Variants in SRRM4 observed in about 807,000 individuals in gnomAD.
SRRM4 encodes serine/arginine repetitive matrix 4.
In SRRM4, 33 loss-of-function variants were observed where a neutral mutation model predicts 68.9. The ratio of observed to expected loss-of-function variants is 0.48; its 90% CI spans 0.36 to 0.64. SRRM4 has a LOEUF of 0.64. Among genes scored for constraint, SRRM4 ranks in the 30% least tolerant of loss-of-function variants. The probability of loss-of-function intolerance (pLI) is 0.00; values close to 1 mark genes in which losing one functional copy is unlikely to be tolerated. For synonymous variants in SRRM4, 318 were observed against 318.8 expected, an observed-to-expected ratio of 1.00 and a Z score of 0.03; for missense variants, 817 against 827.1, an observed-to-expected ratio of 0.99 and a Z score of 0.15.
chr12:119,158,718 C>T lies in SRRM4; in HGVS notation c.*1920C>T, dbSNP rs972608071. ...TCCCTGCCCAGGAACCCAGACTGGA[C>T]TTCAGTCTCCCTCCATGGAGACAAA... On this transcript the variant is annotated 3_prime_UTR_variant, in exon 13 of 13. Coordinates refer to ENST00000267260, the MANE Select transcript of SRRM4 (RefSeq NM_194286.4). The T allele has an allele frequency of 3.3e-5, 5 of 152,746 alleles. No homozygotes were observed. Among genetic ancestry groups the T allele is most frequent in the African/African-American group, 1.2e-4 (5 of 41,582 alleles). 9.5% of individuals were successfully genotyped at this position (152,746 alleles called of 1,614,324 possible).
intron 6 of SRRM4, 40 bp downstream of exon 6, chr12:119,122,160 G>A (rs1370513392): frequency 7.1e-7 from 1 of 1,408,954 alleles, no homozygotes; most frequent in Non-Finnish European, 1.0e-6. Context: ...TCAGTTTGAG[G>A]AGTTGGGGCA....
chr12:119,135,751 G>A lies in SRRM4; in HGVS notation c.771+4917G>A, dbSNP rs149700192. Among the ~76,000 whole-genome samples, 28 of 152,274 alleles carry A rather than the reference G, an allele frequency of 1.8e-4. No individual in the cohort carries two copies. In the East Asian group the frequency reaches 5.4e-3, roughly 29 times the overall value. The stretch of plus-strand genomic sequence containing the variant: ...GTCCACTTTATGATAAGGAAACCCA[G>A]CCAAGAAAAAATAAGTAAAAAGCAG... On this transcript the variant is annotated intron_variant, in intron 8 of 12. Coordinates refer to ENST00000267260, the MANE Select transcript of SRRM4 (RefSeq NM_194286.4).
intron 1 of SRRM4, chr12:119,001,429 G>A (rs1331764201): frequency 6.6e-6 from 1 of 152,186 alleles, no homozygotes; most frequent in African/African-American, 2.4e-5. Flanking sequence ...CCTCTCTCAA[G>A]GTAGGAATTG....
At chr12:119,055,185 A>G (rs1428647736) in intron 1 of SRRM4, among the ~76,000 whole-genome samples, 1 of 152,142 alleles carries the variant, frequency 6.6e-6, no homozygotes, top group African/African-American at 2.4e-5. Context: ...CATTGAGAAG[A>G]TTTATGGGCT....
chr12:118,987,330 A>G (rs1953288876), intron 1 of SRRM4, among the ~76,000 whole-genome samples: 1 of 152,108 alleles, frequency 6.6e-6, no homozygotes, highest in South Asian at 2.1e-4. Context: ...AACGAGATGC[A>G]GAGAGGGGGG....
chr12:119,118,808 T>C (rs1273209403), intron 4 of SRRM4, among the ~76,000 whole-genome samples: 1 of 152,160 alleles, frequency 6.6e-6, no homozygotes, highest in Non-Finnish European at 1.5e-5. Context: ...AGAAAGACAC[T>C]GACAGACAGT....
At chr12:119,122,223 G>T (rs1482324428) in intron 6 of SRRM4, 103 bp downstream of exon 6, 1 of 705,140 alleles carries the variant, frequency 1.4e-6, no homozygotes, top group East Asian at 3.0e-5. Context: ...CAGGGAAAGG[G>T]AGGAGAAGGT....
rs1000710034 is a variant in SRRM4 at position 119,159,658 on chromosome 12, T to C, written c.*2860T>C. 2 of 152,094 alleles carry C rather than the reference T, an allele frequency of 1.3e-5. No individual in the cohort carries two copies. Among genetic ancestry groups the C allele is most frequent in the African/African-American group, 2.4e-5 (1 of 41,394 alleles). The allele number at this position is 152,094 out of a possible 1,614,324, so 9.4% of individuals were successfully genotyped here. A position where few individuals can be genotyped will look rare whatever the true frequency, so the allele number is the denominator to read the frequency against. On this transcript the variant is annotated 3_prime_UTR_variant, in exon 13 of 13. Transcript: ENST00000267260. Reference sequence around the variant, plus strand: ...CCTCACTCCAAGGCACATAGCAGGATCACTCCCTAGCTTCTCTGAGCACAC... The same window carrying C: ...CCTCACTCCAAGGCACATAGCAGGACCACTCCCTAGCTTCTCTGAGCACAC...
At chr12:119,095,260 G>T (rs531712623) in intron 1 of SRRM4, among the ~76,000 whole-genome samples, 20 of 152,292 alleles carry the variant, frequency 1.3e-4, no homozygotes, top group African/African-American at 4.8e-4. Context: ...TCTGGGCTAG[G>T]TCAGCCCCAT....
intron 1 of SRRM4, among the ~76,000 whole-genome samples, chr12:119,066,911 A>G (rs574203151): frequency 6.6e-6 from 1 of 152,256 alleles, no homozygotes; most frequent in Non-Finnish European, 1.5e-5. Context: ...ACATCCATTC[A>G]TTCTACCCAT....
intron 1 of SRRM4, among the ~76,000 whole-genome samples, chr12:119,067,484 A>G (rs1953853080): frequency 6.6e-6 from 1 of 152,186 alleles, no homozygotes; most frequent in Admixed American, 6.5e-5. Flanking sequence ...AGGCGGGCAG[A>G]TTACCTGAGG....
rs556073540 is a variant in SRRM4 at position 119,093,203 on chromosome 12, C to T, written c.132-9033C>T. On this transcript the variant is annotated intron_variant, in intron 1 of 12. Coordinates refer to ENST00000267260, the MANE Select transcript of SRRM4 (RefSeq NM_194286.4). ...CTTAATTATGTTTATTTTCTGCTCT[C>T]TTCCTACCTCCACCCATTGCAGTAC... Among the ~76,000 whole-genome samples, 3 of 152,350 alleles carry T rather than the reference C, an allele frequency of 2.0e-5. No homozygotes were observed. The South Asian group carries it at 6.2e-4, about 32-fold the overall frequency.
rs74447193 is a variant in SRRM4, at chr12:119,091,490, C to T, written c.132-10746C>T. 9.4e-3 allele frequency among the ~76,000 whole-genome samples: 1,431 copies of T among 152,204 alleles called. 34 individuals carry two copies. The highest frequency in any genetic ancestry group is 0.033 in the African/African-American group (1,360 of 41,530). ...AGTCAGAGTCACAGTGAGTGGGTCT[C>T]CAGAGGCAATCTTTGCAAGTGAGGC... On this transcript the variant is annotated intron_variant, in intron 1 of 12. Coordinates refer to ENST00000267260, the MANE Select transcript of SRRM4 (RefSeq NM_194286.4).
At chr12:118,998,644 T>A (rs1289128828) in intron 1 of SRRM4, among the ~76,000 whole-genome samples, 1 of 152,198 alleles carries the variant, frequency 6.6e-6, no homozygotes, top group African/African-American at 2.4e-5. Context: ...AAAGAGAATG[T>A]CAGAAAGGTG....
At chr12:119,071,336 G>A (rs1953876720) in intron 1 of SRRM4, among the ~76,000 whole-genome samples, 1 of 152,152 alleles carries the variant, frequency 6.6e-6, no homozygotes, top group Non-Finnish European at 1.5e-5. Context: ...TGGAATCTTA[G>A]CTTTGGCCTT....
At chr12:119,151,913 A>G (rs80174444) in intron 10 of SRRM4, among the ~76,000 whole-genome samples, 2,445 of 152,320 alleles carry the variant, frequency 0.016, 76 homozygotes, top group African/African-American at 0.055. Flanking sequence ...CAAGACCAGT[A>G]CAGATTCAAG....
intron 1 of SRRM4, among the ~76,000 whole-genome samples, chr12:119,085,594 C>T (rs1007843425): frequency 1.3e-5 from 2 of 152,200 alleles, no homozygotes; most frequent in African/African-American, 2.4e-5. Flanking sequence ...AAATTGAAGA[C>T]GCATGAGAGC....
chr12:119,090,427 T>C (rs1232802694), intron 1 of SRRM4, among the ~76,000 whole-genome samples: 1 of 152,166 alleles, frequency 6.6e-6, no homozygotes, highest in Non-Finnish European at 1.5e-5. Context: ...AGCCTCAGCC[T>C]GATCCTAAGG....
intron 8 of SRRM4, among the ~76,000 whole-genome samples, chr12:119,135,707 A>G (rs1489367357): frequency 6.6e-6 from 1 of 152,198 alleles, no homozygotes; most frequent in Non-Finnish European, 1.5e-5. Flanking sequence ...TAGCTTTTCA[A>G]TGGAGCTTCC....
Sources: gnomAD v4.1 joint callset for allele counts (sites outside exome capture counted in the v4.1 genomes callset) on GRCh38, gnomAD v4.1.1 for gene constraint, MANE v1.5 for transcripts, NCBI Gene and HGNC (gene_info 2026-07-23, HGNC 2026-07-21) for gene names.